The following TBL1Y variants were observed in gnomAD, a reference collection of about 807,000 sequenced individuals.
TBL1Y encodes the protein transducin beta like 1 Y-linked.
TBL1Y carries 15 observed loss-of-function variants against 12.0 expected under a neutral mutation model. The observed-to-expected ratio is 1.25, with a 90% CI of 0.83 to 1.92. TBL1Y has a LOEUF of 1.92. Among genes scored for constraint, TBL1Y ranks in the 40% most tolerant of loss-of-function variants. The pLI, the probability that TBL1Y is intolerant of heterozygous loss-of-function variation, is 0.00. For synonymous variants in TBL1Y, 53 were observed against 42.6 expected (o/e 1.24, Z -0.95); for missense variants, 148 against 116.7 (o/e 1.27, Z -1.24).
intron 12 of TBL1Y, among the ~76,000 whole-genome samples, chrY:7,072,768 G>A (rs2013042440): frequency 3.0e-5 from 1 of 33,878 alleles, no homozygotes; most frequent in African/African-American, 1.2e-4. Flanking sequence ...GGGTGAAGAG[G>A]AAGGGGATGC....
chrY:7,030,258 C>T, intron 6 of TBL1Y, among the ~76,000 whole-genome samples: 1 of 33,927 alleles, frequency 2.9e-5, no homozygotes, highest in Non-Finnish European at 7.3e-5. Flanking sequence ...AAGACATTAG[C>T]TCTGGTGTAT....
chrY:7,076,077 C>T, intron 13 of TBL1Y, among the ~76,000 whole-genome samples: 3 of 31,522 alleles, frequency 9.5e-5, no homozygotes, highest in Middle Eastern at 0.029. Flanking sequence ...TAGAGGCACC[C>T]GCCACCACAC....
At chrY:6,948,752 T>A (rs2012003690) in intron 2 of TBL1Y, among the ~76,000 whole-genome samples, 1 of 30,589 alleles carries the variant, frequency 3.3e-5, no homozygotes, top group Non-Finnish European at 7.7e-5. Context: ...TCTGCCACAC[T>A]GCAAGTTTTA....
intron 12 of TBL1Y, among the ~76,000 whole-genome samples, chrY:7,073,965 C>T: frequency 8.9e-5 from 3 of 33,787 alleles, no homozygotes; most frequent in African/African-American, 3.5e-4. Flanking sequence ...ATTTCTAGTG[C>T]CCCCAGTTCC....
intron 2 of TBL1Y, among the ~76,000 whole-genome samples, chrY:6,974,939 G>C (rs2012228353): frequency 3.0e-5 from 1 of 33,674 alleles, no homozygotes; most frequent in Admixed American, 2.7e-4. Context: ...GCCCAGCTGG[G>C]ACTCTGAGAG....
intron 2 of TBL1Y, among the ~76,000 whole-genome samples, chrY:6,950,573 A>G (rs2012017447): frequency 3.0e-5 from 1 of 33,072 alleles, no homozygotes; most frequent in Non-Finnish European, 7.5e-5. Flanking sequence ...CTCACTACAC[A>G]TTGTAATACA....
chrY:6,998,231 C>G, intron 4 of TBL1Y, among the ~76,000 whole-genome samples: 1 of 33,479 alleles, frequency 3.0e-5, no homozygotes. Flanking sequence ...TAAATTGGGA[C>G]CTTGGTTAGA....
At chrY:6,955,931 C>A in intron 2 of TBL1Y, among the ~76,000 whole-genome samples, 2 of 33,541 alleles carry the variant, frequency 6.0e-5, no homozygotes, top group African/African-American at 2.3e-4. Flanking sequence ...TAATATGTGG[C>A]CAACTATTAG....
chrY:7,049,315 A>G (rs755896907), intron 7 of TBL1Y, among the ~76,000 whole-genome samples: 2 of 33,625 alleles, frequency 5.9e-5, no homozygotes, highest in South Asian at 1.3e-3. Flanking sequence ...GGTCTTTGCT[A>G]TTGTAAATAG....
chrY:7,056,489 C>T, intron 7 of TBL1Y, among the ~76,000 whole-genome samples: 1 of 32,945 alleles, frequency 3.0e-5, no homozygotes, highest in Non-Finnish European at 7.5e-5. Context: ...CCAGGCTCCA[C>T]CCACCAGATG....
At chrY:6,913,593 A>T in intron 2 of TBL1Y, among the ~76,000 whole-genome samples, 1 of 32,296 alleles carries the variant, frequency 3.1e-5, no homozygotes, top group African/African-American at 1.2e-4. Flanking sequence ...TGTAACTTTG[A>T]ACTCCTGCAG....
intron 6 of TBL1Y, among the ~76,000 whole-genome samples, chrY:7,025,891 T>C: frequency 3.0e-5 from 1 of 32,820 alleles, no homozygotes; most frequent in African/African-American, 1.2e-4. Flanking sequence ...GAATATACAG[T>C]ATGGAACTTG....
intron 7 of TBL1Y, among the ~76,000 whole-genome samples, chrY:7,052,642 G>A: frequency 3.0e-5 from 1 of 33,539 alleles, no homozygotes. Context: ...TTCTATATTT[G>A]TCCCTATTGG....
intron 2 of TBL1Y, among the ~76,000 whole-genome samples, chrY:6,973,402 CCT>C (rs2012219977): frequency 3.0e-5 from 1 of 32,821 alleles, no homozygotes; most frequent in Non-Finnish European, 7.5e-5. Flanking sequence ...TGCTCCTGCC[CCT>C]GAGTGGCTCT....
At chrY:6,992,840 G>A (rs2012376775) in intron 3 of TBL1Y, among the ~76,000 whole-genome samples, 2 of 33,973 alleles carry the variant, frequency 5.9e-5, no homozygotes, top group African/African-American at 1.1e-4. Flanking sequence ...CCTCTGGCCC[G>A]CAGATGGGCA....
At chrY:6,959,269 A>G (rs2012103040) in intron 2 of TBL1Y, among the ~76,000 whole-genome samples, 2 of 33,785 alleles carry the variant, frequency 5.9e-5, no homozygotes, top group African/African-American at 2.3e-4. Context: ...GGTTGGGTCA[A>G]AGTGGCTGGG....
chrY:7,086,973 T>A, intron 16 of TBL1Y, among the ~76,000 whole-genome samples: 1 of 25,033 alleles, frequency 4.0e-5, no homozygotes, highest in Non-Finnish European at 8.9e-5. Flanking sequence ...ATATTTTATA[T>A]ATATCTTATA....
At chrY:7,089,772 A>G (rs942294809) in intron 17 of TBL1Y, among the ~76,000 whole-genome samples, 1 of 32,882 alleles carries the variant, frequency 3.0e-5, no homozygotes, top group African/African-American at 1.2e-4. Context: ...CCTAGGTGAC[A>G]GATGACTCCC....
intron 2 of TBL1Y, among the ~76,000 whole-genome samples, chrY:6,931,789 G>C (rs2011867515): frequency 3.0e-5 from 1 of 33,785 alleles, no homozygotes; most frequent in African/African-American, 1.2e-4. Flanking sequence ...GTTGCAAAAA[G>C]AGGTTGTATG....
Sources: allele counts gnomAD v4.1 joint callset (sites outside exome capture counted in the v4.1 genomes callset), GRCh38; gene constraint gnomAD v4.1.1; transcripts MANE v1.5; gene names NCBI Gene and HGNC (gene_info 2026-07-23, HGNC 2026-07-21).